The following NAALADL2 variants were observed in gnomAD, a reference collection of about 807,000 sequenced individuals.
NAALADL2 encodes N-acetylated alpha-linked acidic dipeptidase like 2.
Under a neutral mutation model 87.2 loss-of-function variants are expected in NAALADL2, and 76 were observed. The ratio of observed to expected loss-of-function variants is 0.87; its 90% CI spans 0.72 to 1.05. The LOEUF is 1.05. Among genes scored for constraint, NAALADL2 ranks in the 50% least tolerant of loss-of-function variants. The pLI is 0.00. For missense variants in NAALADL2, 1,089 were observed against 945.8 expected (o/e 1.15, Z -1.99); for synonymous variants, 354 against 331.0 (o/e 1.07, Z -0.75).
At chr3:175,781,977 T>G (rs1374396010) in intron 13 of NAALADL2, among the ~76,000 whole-genome samples, 7 of 151,452 alleles carry the variant, frequency 4.6e-5, no homozygotes, top group Non-Finnish European at 1.0e-4. Flanking sequence ...GTTCTTGCTA[T>G]AGTTTACTGA....
chr3:175,687,880 C>G (rs1445300866), intron 11 of NAALADL2, among the ~76,000 whole-genome samples: 1 of 151,962 alleles, frequency 6.6e-6, no homozygotes, highest in Non-Finnish European at 1.5e-5. Context: ...GTTCCCCCTT[C>G]GCCTTCCGCC....
intron 11 of NAALADL2, among the ~76,000 whole-genome samples, chr3:175,630,691 G>A (rs1343320442): frequency 1.3e-5 from 2 of 151,494 alleles, no homozygotes; most frequent in African/African-American, 2.4e-5. Context: ...TTTTTTCACT[G>A]AGGATAAATG....
intron 3 of NAALADL2, among the ~76,000 whole-genome samples, chr3:174,833,185 T>A (rs1722930828): frequency 6.6e-6 from 1 of 152,200 alleles, no homozygotes; most frequent in African/African-American, 2.4e-5. Flanking sequence ...AATGATCATA[T>A]CTGTAAAAGA....
intron 1 of NAALADL2, among the ~76,000 whole-genome samples, chr3:175,021,424 T>TA (rs1323094442): frequency 6.6e-6 from 1 of 151,962 alleles, no homozygotes; most frequent in East Asian, 1.9e-4. Context: ...GATATGAAGG[T>TA]AAAAAAGATA....
intron 3 of NAALADL2, among the ~76,000 whole-genome samples, chr3:174,800,528 G>A (rs1349209754): frequency 2.0e-5 from 3 of 152,120 alleles, no homozygotes; most frequent in African/African-American, 2.4e-5. Flanking sequence ...ATAGAGGTGG[G>A]GCCCTCATGG....
chr3:174,781,950 T>G (rs1304298691), intron 3 of NAALADL2, among the ~76,000 whole-genome samples: 1 of 152,186 alleles, frequency 6.6e-6, no homozygotes, highest in Non-Finnish European at 1.5e-5. Flanking sequence ...CACGTGTTCA[T>G]GTATTACTTA....
chr3:174,589,160 G>T (rs183412484), intron 2 of NAALADL2, among the ~76,000 whole-genome samples: 1 of 152,188 alleles, frequency 6.6e-6, no homozygotes, highest in African/African-American at 2.4e-5. Flanking sequence ...CTCCTTGGGC[G>T]TGGGACCCTC....
At chr3:175,699,757 T>G (rs1738724642) in intron 11 of NAALADL2, among the ~76,000 whole-genome samples, 1 of 152,168 alleles carries the variant, frequency 6.6e-6, no homozygotes, top group Non-Finnish European at 1.5e-5. Flanking sequence ...AAAGATATTT[T>G]TATATGCTAT....
chr3:174,974,071 T>C (rs1019654601), intron 1 of NAALADL2, among the ~76,000 whole-genome samples: 2 of 152,216 alleles, frequency 1.3e-5, no homozygotes, highest in Non-Finnish European at 2.9e-5. Context: ...ATACATTTGA[T>C]TTTTGTCACT....
At chr3:174,829,248 A>G (rs987753388) in intron 3 of NAALADL2, among the ~76,000 whole-genome samples, 3 of 151,392 alleles carry the variant, frequency 2.0e-5, no homozygotes, top group Admixed American at 2.0e-4. Context: ...TATATCTCCC[A>G]GTGCTATCCC....
intron 2 of NAALADL2, among the ~76,000 whole-genome samples, chr3:174,733,568 G>T (rs568109110): frequency 4.6e-5 from 7 of 152,326 alleles, no homozygotes; most frequent in East Asian, 1.9e-4. Context: ...TAGCTTGAAG[G>T]CTTGAGCTTC....
chr3:175,477,580 T>C (rs1255497352), intron 9 of NAALADL2, among the ~76,000 whole-genome samples: 1 of 152,138 alleles, frequency 6.6e-6, no homozygotes, highest in Non-Finnish European at 1.5e-5. Flanking sequence ...CTATTTTTGC[T>C]CCATCCTGTT....
At chr3:174,769,686 T>TCA (rs10674809) in intron 3 of NAALADL2, among the ~76,000 whole-genome samples, 79,542 of 151,022 alleles carry the variant, frequency 0.53, 21,335 homozygotes, top group Middle Eastern at 0.64. Flanking sequence ...TTCTATATTC[T>TCA]GTTTTCTCCA....
rs1419926796 is a variant in NAALADL2 at position 175,153,467 on chromosome 3, T to C, written c.545+56176T>C. Among the ~76,000 whole-genome samples the C allele has an allele frequency of 2.0e-5, 3 of 152,188 alleles. No homozygotes were observed. In the East Asian group the frequency reaches 5.8e-4, roughly 29 times the overall value. ...TGGTCTTAAAGGATGCAGCTCTTCA[T>C]ATACAGTTTTTTAGTTCACATATGA... is the stretch of plus-strand genomic sequence containing the variant. On this transcript the variant is annotated intron_variant, in intron 2 of 13. Coordinates refer to ENST00000454872, the MANE Select transcript of NAALADL2 (RefSeq NM_207015.3).
rs1271969486 is a variant in NAALADL2 at position 174,519,313 on chromosome 3, G to T, written c.-183-31256G>T. Among the ~76,000 whole-genome samples the T allele has an allele frequency of 2.9e-3, 424 of 147,014 alleles. 6 individuals are homozygous for T. The highest frequency in any genetic ancestry group is 0.011 in the African/African-American group (413 of 38,056). The stretch of plus-strand genomic sequence containing the variant: ...AGCAAAGTTTTTGAAACAAGTGAAT[G>T]AATGAAGATTTCCTTTTTTTTTTTT... On this transcript the variant is annotated intron_variant, in intron 1 of 3. Transcript: ENST00000434257.
chr3:174,735,849 G>C (rs1354898172), intron 2 of NAALADL2, among the ~76,000 whole-genome samples: 1 of 152,296 alleles, frequency 6.6e-6, no homozygotes, highest in Admixed American at 6.5e-5. Flanking sequence ...CAGGTCCACT[G>C]GGCTCGTTCT....
At chr3:175,790,571 T>G (rs984767978) in intron 13 of NAALADL2, among the ~76,000 whole-genome samples, 3 of 152,232 alleles carry the variant, frequency 2.0e-5, no homozygotes, top group African/African-American at 7.2e-5. Flanking sequence ...TTTACTTTCT[T>G]GTTTAAACAA....
At chr3:175,178,960 G>A (rs1736064378) in intron 2 of NAALADL2, among the ~76,000 whole-genome samples, 1 of 151,894 alleles carries the variant, frequency 6.6e-6, no homozygotes. Context: ...TTAAGTGATT[G>A]AAAAGAATTG....
At chr3:174,729,713 C>G (rs183089279) in intron 2 of NAALADL2, among the ~76,000 whole-genome samples, 3 of 151,916 alleles carry the variant, frequency 2.0e-5, no homozygotes, top group Admixed American at 2.0e-4. Context: ...AAGAGTAGGA[C>G]TTACCTCTTA....
Sources: gnomAD v4.1 joint callset for allele counts (sites outside exome capture counted in the v4.1 genomes callset) on GRCh38, gnomAD v4.1.1 for gene constraint, MANE v1.5 for transcripts, NCBI Gene and HGNC (gene_info 2026-07-23, HGNC 2026-07-21) for gene names.